Variants in HCN1 observed in about 807,000 individuals in gnomAD.
HCN1 encodes the protein hyperpolarization activated cyclic nucleotide gated potassium channel 1.
HCN1 carries 13 observed loss-of-function variants against 78.9 expected under a neutral mutation model. The ratio of observed to expected loss-of-function variants is 0.16; its 90% CI spans 0.11 to 0.26. The LOEUF (loss-of-function observed/expected upper bound fraction) is 0.26. HCN1 is among the 10% of genes least tolerant of loss of function. HCN1 has a pLI of 1.00. For synonymous variants in HCN1, 552 were observed against 455.5 expected, an observed-to-expected ratio of 1.21 and a Z score of -2.70; for missense variants, 810 against 1,154.3, an observed-to-expected ratio of 0.70 and a Z score of 4.32.
chr5:45,296,824 C>A (rs1745502682), intron 6 of HCN1, among the ~76,000 whole-genome samples: 1 of 152,000 alleles, frequency 6.6e-6, no homozygotes. Flanking sequence ...ACAGAGAACT[C>A]AGTGTCCATA....
chr5:45,346,721 C>G (rs113493874), intron 5 of HCN1, among the ~76,000 whole-genome samples: 2 of 152,200 alleles, frequency 1.3e-5, no homozygotes, highest in African/African-American at 2.4e-5. Context: ...TATCCTGCAC[C>G]TGGCTTGGAG....
rs73101277 is a variant in HCN1 at position 45,546,834 on chromosome 5, A to G, written c.850-84827T>C. On this transcript the variant is annotated intron_variant, in intron 2 of 7. Coordinates refer to ENST00000303230, the MANE Select transcript of HCN1 (RefSeq NM_021072.4). ...AATGATCTTGTAACATGGCAGTTCA[A>G]TTCTTCAGAAACAAGTTGTTTTCAC... 8.6e-3 allele frequency among the ~76,000 whole-genome samples: 1,311 copies of G among 151,988 alleles called. 26 individuals carry two copies. Among genetic ancestry groups the G allele is most frequent in the African/African-American group, 0.031 (1,283 of 41,520 alleles).
chr5:45,585,621 C>T (rs2696018), intron 2 of HCN1, among the ~76,000 whole-genome samples: 75,382 of 151,908 alleles, frequency 0.5, 19,879 homozygotes, highest in African/African-American at 0.68. Context: ...GAGTTTCTAG[C>T]TTTTCTGCTC....
At chr5:45,510,094 C>A (rs577170035) in intron 2 of HCN1, among the ~76,000 whole-genome samples, 5 of 152,166 alleles carry the variant, frequency 3.3e-5, no homozygotes, top group African/African-American at 1.2e-4. Flanking sequence ...AATGAAAAGA[C>A]AACCTGTCTT....
chr5:45,298,956 C>T (rs979265188), intron 6 of HCN1, among the ~76,000 whole-genome samples: 10 of 151,982 alleles, frequency 6.6e-5, no homozygotes, highest in African/African-American at 2.2e-4. Context: ...CTTTAAGTCT[C>T]GTTTTTCTTC....
chr5:45,498,613 T>C (rs1742106846), intron 2 of HCN1, among the ~76,000 whole-genome samples: 1 of 152,228 alleles, frequency 6.6e-6, no homozygotes, highest in African/African-American at 2.4e-5. Context: ...TCCAGCTTCC[T>C]TCCGTTGCTG....
At chr5:45,504,505 G>T (rs982334722) in intron 2 of HCN1, among the ~76,000 whole-genome samples, 1 of 152,124 alleles carries the variant, frequency 6.6e-6, no homozygotes, top group African/African-American at 2.4e-5. Context: ...ATTGTTGATG[G>T]ACATTTGGGT....
intron 2 of HCN1, among the ~76,000 whole-genome samples, chr5:45,514,169 A>G (rs1331198070): frequency 6.6e-6 from 1 of 152,156 alleles, no homozygotes; most frequent in Non-Finnish European, 1.5e-5. Flanking sequence ...CTGAGTTTAA[A>G]AAAGCCATAA....
chr5:45,493,401 T>A (rs1408067744), intron 2 of HCN1, among the ~76,000 whole-genome samples: 1 of 151,994 alleles, frequency 6.6e-6, no homozygotes, highest in Non-Finnish European at 1.5e-5. Context: ...AAGTCCATGA[T>A]TTTTCCTCAT....
intron 2 of HCN1, among the ~76,000 whole-genome samples, chr5:45,497,377 T>C (rs1742061899): frequency 6.6e-6 from 1 of 152,214 alleles, no homozygotes; most frequent in African/African-American, 2.4e-5. Flanking sequence ...TTTATGAATC[T>C]GGGTGCTCCT....
At chr5:45,323,181 C>G (rs935075829) in intron 5 of HCN1, among the ~76,000 whole-genome samples, 25 of 151,558 alleles carry the variant, frequency 1.6e-4, no homozygotes, top group Non-Finnish European at 5.9e-5. Flanking sequence ...ATTCAGCATC[C>G]AAATCAAGAT....
chr5:45,529,629 G>A (rs894160891), intron 2 of HCN1, among the ~76,000 whole-genome samples: 1 of 151,900 alleles, frequency 6.6e-6, no homozygotes, highest in South Asian at 2.1e-4. Context: ...GTCTTTGGCG[G>A]AATACCAAAT....
intron 5 of HCN1, among the ~76,000 whole-genome samples, chr5:45,348,640 C>G (rs1397732213): frequency 6.6e-6 from 1 of 152,020 alleles, no homozygotes; most frequent in Non-Finnish European, 1.5e-5. Context: ...TGCAGAGACA[C>G]ACATAACATA....
chr5:45,342,393 C>T (rs1222167954), intron 5 of HCN1, among the ~76,000 whole-genome samples: 1 of 134,206 alleles, frequency 7.5e-6, no homozygotes, highest in African/African-American at 3.5e-5. Flanking sequence ...CTACACCTGG[C>T]TATTTTTTTT....
At chr5:45,385,843 C>T (rs951784189) in intron 4 of HCN1, among the ~76,000 whole-genome samples, 2 of 152,180 alleles carry the variant, frequency 1.3e-5, no homozygotes, top group Non-Finnish European at 2.9e-5. Context: ...TGGCTGGACA[C>T]AGCCGTTGTG....
At chr5:45,335,655 G>C (rs1193732808) in intron 5 of HCN1, among the ~76,000 whole-genome samples, 1 of 152,004 alleles carries the variant, frequency 6.6e-6, no homozygotes, top group Non-Finnish European at 1.5e-5. Flanking sequence ...AAATATAACA[G>C]CTGTAAGAGC....
At chr5:45,671,567 T>C (rs980532998) in intron 1 of HCN1, among the ~76,000 whole-genome samples, 12 of 151,568 alleles carry the variant, frequency 7.9e-5, no homozygotes, top group Non-Finnish European at 1.6e-4. Context: ...ACTTACATTC[T>C]GAGTAAATTT....
chr5:45,676,475 T>A (rs577100217), intron 1 of HCN1, among the ~76,000 whole-genome samples: 6 of 151,716 alleles, frequency 4.0e-5, no homozygotes, highest in East Asian at 3.9e-4. Flanking sequence ...AGGAGAAAAA[T>A]TTTTAACATG....
rs548649575 is a variant in HCN1 at position 45,587,043 on chromosome 5, GA to G, written c.849+58141del. 1.7e-4 allele frequency among the ~76,000 whole-genome samples: 26 copies of G among 152,202 alleles called. No homozygotes were observed. In the South Asian group the frequency reaches 5.2e-3, roughly 30 times the overall value. On this transcript the variant is annotated intron_variant, in intron 2 of 7. Coordinates refer to ENST00000303230, the MANE Select transcript of HCN1 (RefSeq NM_021072.4). ...AGATCAATGCTTCTAAAAAAGTCAG[GA>G]AACAACAGGTGCTGGAGAGGATGTG...
Sources: gnomAD v4.1 joint callset for allele counts (sites outside exome capture counted in the v4.1 genomes callset) on GRCh38, gnomAD v4.1.1 for gene constraint, MANE v1.5 for transcripts, NCBI Gene and HGNC (gene_info 2026-07-23, HGNC 2026-07-21) for gene names.